KYNU: variants seen among roughly 807,000 people sequenced by gnomAD.
KYNU encodes the protein L-kynurenine hydrolase.
KYNU carries 54 observed loss-of-function variants against 59.2 expected under a neutral mutation model. The ratio of observed to expected loss-of-function variants is 0.91; its 90% CI spans 0.73 to 1.14. The LOEUF is 1.14. KYNU is among the 50% of genes most tolerant of loss of function. The pLI is 0.00. For synonymous variants in KYNU, 177 were observed against 192.0 expected, an observed-to-expected ratio of 0.92 and a Z score of 0.65; for missense variants, 567 against 554.4, an observed-to-expected ratio of 1.02 and a Z score of -0.23.
At chr2:143,038,112 C>A (rs2043931) in intron 12 of KYNU, among the ~76,000 whole-genome samples, 129,706 of 152,120 alleles carry the variant, frequency 0.85, 55,633 homozygotes, top group Non-Finnish European at 0.91. Context: ...AATATTCCTC[C>A]AAGTTTTACT....
chr2:142,929,983 C>T (rs1193594681), intron 4 of KYNU, among the ~76,000 whole-genome samples: 1 of 152,184 alleles, frequency 6.6e-6, no homozygotes, highest in African/African-American at 2.4e-5. Context: ...ATATTCTTGA[C>T]AGATGTAAAT....
intron 10 of KYNU, among the ~76,000 whole-genome samples, chr2:142,998,902 G>A (rs941116422): frequency 1.3e-5 from 2 of 150,888 alleles, no homozygotes; most frequent in African/African-American, 2.4e-5. Flanking sequence ...CCAGCTACTC[G>A]GGAGGCTGAG....
rs557675671 is a variant in KYNU, at chr2:142,974,060, C to T, written c.730-11024C>T. ...ACTGAATAACCTCAAGGAGAGCATT[C>T]AGATAGTTCAGAGCATTCATTCCCA... On this transcript the variant is annotated intron_variant, in intron 8 of 13. Transcript: ENST00000264170. Among the ~76,000 whole-genome samples, 5 of 152,340 alleles carry T rather than the reference C, an allele frequency of 3.3e-5. 1 individual carries two copies. In the South Asian group the frequency reaches 8.3e-4, roughly 25 times the overall value.
chr2:142,940,809 G>A (rs918632996), intron 4 of KYNU, among the ~76,000 whole-genome samples: 2 of 152,158 alleles, frequency 1.3e-5, no homozygotes, highest in Admixed American at 1.3e-4. Flanking sequence ...TACTTTAGAC[G>A]CACCAGCTGT....
chr2:142,918,399 A>G (rs146517716), intron 2 of KYNU, among the ~76,000 whole-genome samples: 395 of 152,258 alleles, frequency 2.6e-3, no homozygotes, highest in African/African-American at 8.4e-3. Flanking sequence ...AGATCCTCAT[A>G]ATAGCCTCTA....
intron 8 of KYNU, among the ~76,000 whole-genome samples, chr2:142,976,211 G>C (rs1684875285): frequency 6.6e-6 from 1 of 152,158 alleles, no homozygotes; most frequent in South Asian, 2.1e-4. Flanking sequence ...CATGCTGCTG[G>C]GGCTATGTGT....
intron 4 of KYNU, among the ~76,000 whole-genome samples, chr2:142,950,212 G>A (rs895384821): frequency 6.6e-6 from 1 of 152,162 alleles, no homozygotes; most frequent in Non-Finnish European, 1.5e-5. Context: ...ACATTTTCCT[G>A]TCTTGTTGTG....
intron 4 of KYNU, among the ~76,000 whole-genome samples, chr2:142,929,588 G>T (rs1314882214): frequency 6.6e-6 from 1 of 151,534 alleles, no homozygotes; most frequent in East Asian, 1.9e-4. Context: ...CAAGGTGGTT[G>T]GGTTGACAAA....
intron 2 of KYNU, among the ~76,000 whole-genome samples, chr2:142,899,964 G>A (rs1338536666): frequency 6.6e-6 from 1 of 152,130 alleles, no homozygotes; most frequent in East Asian, 1.9e-4. Context: ...TCCCAAGATG[G>A]TGGCAGGCCC....
At chr2:142,973,708 C>T (rs1239585676) in intron 8 of KYNU, among the ~76,000 whole-genome samples, 1 of 152,132 alleles carries the variant, frequency 6.6e-6, no homozygotes, top group African/African-American at 2.4e-5. Context: ...CTGAGGTGTA[C>T]ATTACACTCA....
intron 4 of KYNU, among the ~76,000 whole-genome samples, chr2:142,931,154 G>GTAAGGGC (rs1367490944): frequency 1.3e-5 from 2 of 152,208 alleles, no homozygotes; most frequent in Admixed American, 1.3e-4. Context: ...CGCCGCTGAC[G>GTAAGGGC]TAAGTAGCCT....
intron 10 of KYNU, among the ~76,000 whole-genome samples, chr2:143,000,010 T>C (rs1685666062): frequency 6.6e-6 from 1 of 152,088 alleles, no homozygotes; most frequent in Non-Finnish European, 1.5e-5. Context: ...ATTATTAAAA[T>C]AACAAGGTAA....
chr2:142,900,473 C>T lies in KYNU; in HGVS notation c.169+14937C>T, dbSNP rs180901070. ...TGGGTTTATATCCTGATCATTATCC[C>T]TCCCCCTGTGCTCTCAGGCAATAGA... is the stretch of plus-strand genomic sequence containing the variant. On this transcript the variant is annotated intron_variant, in intron 2 of 13. Transcript: ENST00000264170. Among the ~76,000 whole-genome samples the T allele has an allele frequency of 1.8e-4, 28 of 152,308 alleles. No individual in the cohort carries two copies. The East Asian group carries it at 5.0e-3, about 27-fold the overall frequency.
intron 8 of KYNU, among the ~76,000 whole-genome samples, chr2:142,983,373 G>C (rs1162249197): frequency 6.6e-6 from 1 of 151,988 alleles, no homozygotes; most frequent in Non-Finnish European, 1.5e-5. Context: ...ACATTCTGTT[G>C]GTCTAAACAA....
At chr2:143,013,470 A>T (rs965983178) in intron 10 of KYNU, among the ~76,000 whole-genome samples, 1 of 152,198 alleles carries the variant, frequency 6.6e-6, no homozygotes, top group South Asian at 2.1e-4. Flanking sequence ...TGTCCAGAGA[A>T]GGAATTGCTA....
intron 1 of KYNU, among the ~76,000 whole-genome samples, chr2:142,880,806 G>A (rs892449100): frequency 3.9e-5 from 6 of 152,260 alleles, no homozygotes; most frequent in African/African-American, 7.2e-5. Flanking sequence ...AATGCCAAGC[G>A]GTAGAGACAC....
At chr2:142,942,212 T>C (rs1422167439) in intron 4 of KYNU, among the ~76,000 whole-genome samples, 1 of 149,940 alleles carries the variant, frequency 6.7e-6, no homozygotes, top group Non-Finnish European at 1.5e-5. Context: ...TTCACTCAAA[T>C]AGACTCTTTT....
chr2:143,024,427 T>C (rs1686494990), intron 10 of KYNU, among the ~76,000 whole-genome samples: 1 of 152,052 alleles, frequency 6.6e-6, no homozygotes, highest in Non-Finnish European at 1.5e-5. Flanking sequence ...CTTTTTCCAG[T>C]AATGAAGAAT....
At chr2:142,933,155 G>A (rs996310768) in intron 4 of KYNU, among the ~76,000 whole-genome samples, 3 of 152,178 alleles carry the variant, frequency 2.0e-5, no homozygotes, top group East Asian at 1.9e-4. Flanking sequence ...AGCAGCTGCC[G>A]CCAATGGTCG....
Sources: gnomAD v4.1 joint callset for allele counts (sites outside exome capture counted in the v4.1 genomes callset) on GRCh38, gnomAD v4.1.1 for gene constraint, MANE v1.5 for transcripts, NCBI Gene and HGNC (gene_info 2026-07-23, HGNC 2026-07-21) for gene names.